SLC35A3: variants seen among roughly 807,000 people sequenced by gnomAD.
SLC35A3 encodes the protein UDP-N-acetylglucosamine transporter.
In SLC35A3, 26 loss-of-function variants were observed where a neutral mutation model predicts 39.0. That is an observed-to-expected ratio of 0.67 (90% CI 0.49 to 0.92). The LOEUF is 0.92. Among genes scored for constraint, SLC35A3 ranks in the 40% least tolerant of loss-of-function variants. The pLI is 0.00. For synonymous variants in SLC35A3, 135 were observed against 133.1 expected, an observed-to-expected ratio of 1.01 and a Z score of -0.10; for missense variants, 299 against 371.6, an observed-to-expected ratio of 0.80 and a Z score of 1.61.
chr1:100,014,217 T>C (rs1028221886), intron 5 of SLC35A3, among the ~76,000 whole-genome samples: 1 of 152,058 alleles, frequency 6.6e-6, no homozygotes, highest in Non-Finnish European at 1.5e-5. Context: ...AAACAAAACT[T>C]TTATTTATTT....
At chr1:99,980,490 A>G (rs1571350) in intron 1 of SLC35A3, among the ~76,000 whole-genome samples, 12,245 of 152,330 alleles carry the variant, frequency 0.08, 685 homozygotes, top group Middle Eastern at 0.13. Flanking sequence ...TTATCTAAAC[A>G]TTAGAATGCA....
chr1:100,003,328 A>G (rs1396408394), intron 3 of SLC35A3, among the ~76,000 whole-genome samples: 1 of 147,288 alleles, frequency 6.8e-6, no homozygotes, highest in Non-Finnish European at 1.5e-5. Flanking sequence ...AGGTAGGAGA[A>G]TTGCTTGAAC....
At chr1:99,997,431 TATATATATATATATATATATATATATG>T in intron 2 of SLC35A3, among the ~76,000 whole-genome samples, 1 of 42,424 alleles carries the variant, frequency 2.4e-5, no homozygotes, top group African/African-American at 5.5e-5. Flanking sequence ...TATATATATA[TATATATATATATATATATATATATATG>T]GATCTTAGAA....
intron 1 of SLC35A3, among the ~76,000 whole-genome samples, chr1:99,991,334 C>T (rs558747714): frequency 3.3e-5 from 5 of 152,188 alleles, no homozygotes; most frequent in South Asian, 2.1e-4. Context: ...TTAGTAGAGA[C>T]GGGCTTTCAC....
chr1:99,993,368 T>G (rs539335741), intron 1 of SLC35A3, among the ~76,000 whole-genome samples, 169 bp from the exon 2 acceptor site: 6 of 152,184 alleles, frequency 3.9e-5, no homozygotes, highest in South Asian at 2.1e-4. Context: ...GGAGTGTGCT[T>G]ATTTCATCTT....
chr1:99,983,215 G>A (rs1032802153), intron 1 of SLC35A3, among the ~76,000 whole-genome samples: 1 of 151,864 alleles, frequency 6.6e-6, no homozygotes, highest in Non-Finnish European at 1.5e-5. Context: ...GGAGGGGAGT[G>A]GAATGAAGAG....
intron 7 of SLC35A3, among the ~76,000 whole-genome samples, chr1:100,021,177 AC>A (rs1660510704): frequency 1.3e-5 from 2 of 152,058 alleles, no homozygotes; most frequent in Non-Finnish European, 2.9e-5. Context: ...AGCCTGGCCA[AC>A]ATGGTGAAAC....
chr1:100,029,086 G>A lies in SLC35A3; in HGVS notation c.*6610G>A, dbSNP rs1187928717. On this transcript the variant is annotated 3_prime_UTR_variant, in exon 8 of 8. Transcript: ENST00000533028. The stretch of plus-strand genomic sequence containing the variant: ...GCTTTGGTGTCCAGATTTTTATTGA[G>A]AGAGGCTCTATTAGTTGGCATGGTT... 1 of 152,208 alleles carries A rather than the reference G, an allele frequency of 6.6e-6. No individual in the cohort carries two copies. The highest frequency in any genetic ancestry group is 1.5e-5 in the Non-Finnish European group (1 of 68,068). The allele number at this position is 152,208 out of a possible 1,614,324, so 9.4% of individuals were successfully genotyped here.
Position 100,024,749 on chromosome 1 carries a change from C to G in SLC35A3, c.*2273C>G, listed in dbSNP as rs1660805104. 1 of 395,964 alleles carries G rather than the reference C, an allele frequency of 2.5e-6. No individual in the cohort carries two copies. The highest frequency in any genetic ancestry group is 4.4e-6 in the Non-Finnish European group (1 of 225,332). The allele number at this position is 395,964 out of a possible 1,614,324, so 24.5% of individuals were successfully genotyped here. A position where few individuals can be genotyped will look rare whatever the true frequency, so the allele number is the denominator to read the frequency against. The stretch of plus-strand genomic sequence containing the variant: ...TTCTCCTGCCTCAGCCTCTGAGTAG[C>G]TGGGATTGCAGGCGTGAGCCACTGC... On this transcript the variant is annotated 3_prime_UTR_variant, in exon 8 of 8. Transcript: ENST00000533028.
chr1:99,996,813 A>G (rs189546395), intron 2 of SLC35A3, among the ~76,000 whole-genome samples: 35 of 152,242 alleles, frequency 2.3e-4, no homozygotes, highest in African/African-American at 7.9e-4. Flanking sequence ...GAATTTTTCA[A>G]CTATTATTTT....
chr1:100,009,570 T>A (rs1227598159), intron 4 of SLC35A3: 2 of 152,330 alleles, frequency 1.3e-5, no homozygotes, highest in African/African-American at 4.8e-5. Context: ...AGAGAAATCC[T>A]ATAGGCATGC....
intron 1 of SLC35A3, among the ~76,000 whole-genome samples, chr1:99,971,043 T>C (rs978298439): frequency 1.3e-5 from 2 of 152,198 alleles, no homozygotes; most frequent in African/African-American, 4.8e-5. Flanking sequence ...ACTTGCACTA[T>C]AGCAATAACT....
intron 3 of SLC35A3, among the ~76,000 whole-genome samples, chr1:100,006,745 A>G (rs1659258190): frequency 6.6e-6 from 1 of 152,204 alleles, no homozygotes; most frequent in Admixed American, 6.5e-5. Context: ...TATCTGCAAG[A>G]GTGGCAGTGG....
In SLC35A3 at chr1:100,024,620, TTC is replaced by T; in HGVS notation, c.*2146_*2147del. 1 of 323,076 alleles carries T rather than the reference TTC, an allele frequency of 3.1e-6. No homozygotes were observed. The highest frequency in any genetic ancestry group is 8.8e-4 in the Middle Eastern group (1 of 1,138). The allele number at this position is 323,076 out of a possible 1,614,324, so 20.0% of individuals were successfully genotyped here. The stretch of plus-strand genomic sequence containing the variant: ...AGTATGAATGAAAAAAATAAAATAC[TTC>T]TTTTTTTTTTTTTTTGAGACAGAGT... On this transcript the variant is annotated 3_prime_UTR_variant, in exon 8 of 8. Transcript: ENST00000533028.
chr1:99,993,774 G>A, intron 2 of SLC35A3, 33 bp downstream of exon 2: 1 of 1,582,696 alleles, frequency 6.3e-7, no homozygotes, highest in Non-Finnish European at 8.7e-7. Flanking sequence ...TTTAATCAAT[G>A]CAATTTATTT....
At chr1:100,014,370 A>G (rs1223909650) in intron 5 of SLC35A3, among the ~76,000 whole-genome samples, 1 of 152,106 alleles carries the variant, frequency 6.6e-6, no homozygotes, top group Non-Finnish European at 1.5e-5. Flanking sequence ...ACAGGCATGC[A>G]CCACCACACC....
At chr1:100,004,906 G>A (rs765924795) in intron 3 of SLC35A3, among the ~76,000 whole-genome samples, 4 of 151,412 alleles carry the variant, frequency 2.6e-5, no homozygotes, top group Admixed American at 1.3e-4. Flanking sequence ...GCCTGTGCAC[G>A]CCACCATGCC....
chr1:100,018,878 TTTAA>T (rs1192503248), intron 7 of SLC35A3, among the ~76,000 whole-genome samples: 1 of 152,234 alleles, frequency 6.6e-6, no homozygotes, highest in Admixed American at 6.5e-5. Flanking sequence ...CATTGACGGT[TTTAA>T]TTCTTTTCTA....
chr1:99,979,452 G>C (rs1308532916), intron 1 of SLC35A3, among the ~76,000 whole-genome samples: 4 of 116,170 alleles, frequency 3.4e-5, no homozygotes, highest in African/African-American at 1.3e-4. Context: ...TTTTTTATTT[G>C]AGACAGAGTC....
Sources: gnomAD v4.1 joint callset for allele counts (sites outside exome capture counted in the v4.1 genomes callset) on GRCh38, gnomAD v4.1.1 for gene constraint, MANE v1.5 for transcripts, NCBI Gene and HGNC (gene_info 2026-07-23, HGNC 2026-07-21) for gene names.